Variants in EPHB1 observed in about 807,000 individuals in gnomAD.
EPHB1 encodes the protein ephrin type-B receptor 1.
In EPHB1, 30 loss-of-function variants were observed where a neutral mutation model predicts 94.4. The ratio of observed to expected loss-of-function variants is 0.32; its 90% CI spans 0.24 to 0.43. The LOEUF is 0.43. Ranked by LOEUF, EPHB1 falls within the 20% of genes least tolerant of loss-of-function variation. The pLI is 1.00. For missense variants in EPHB1, 1,055 were observed against 1,308.3 expected, an observed-to-expected ratio of 0.81 and a Z score of 2.99; for synonymous variants, 522 against 489.1, an observed-to-expected ratio of 1.07 and a Z score of -0.89.
rs956373748 is a variant in EPHB1 at position 135,223,488 on chromosome 3, C to T, written c.2347-17660C>T. 2.6e-5 allele frequency among the ~76,000 whole-genome samples: 4 copies of T among 152,158 alleles called. No homozygotes were observed. In the East Asian group the frequency reaches 7.7e-4, roughly 29 times the overall value. On this transcript the variant is annotated intron_variant, in intron 12 of 15. Coordinates refer to ENST00000398015, the MANE Select transcript of EPHB1 (RefSeq NM_004441.5). ...TTAATGTGGTCAACATTCCTGTCCC[C>T]AATCATACTTTTTCTAAGCTTAGAA...
intron 1 of EPHB1, among the ~76,000 whole-genome samples, chr3:134,920,268 A>T (rs967691743): frequency 6.6e-6 from 1 of 152,170 alleles, no homozygotes; most frequent in African/African-American, 2.4e-5. Flanking sequence ...TCTTGCAAGG[A>T]TCCTCTGCGG....
intron 1 of EPHB1, among the ~76,000 whole-genome samples, chr3:134,841,711 A>T (rs1353136413): frequency 6.6e-6 from 1 of 152,168 alleles, no homozygotes; most frequent in Non-Finnish European, 1.5e-5. Context: ...TCTCTGCATA[A>T]CCTTAAGGAA....
chr3:135,089,916 G>A (rs894983858), intron 3 of EPHB1, among the ~76,000 whole-genome samples: 10 of 152,206 alleles, frequency 6.6e-5, no homozygotes, highest in African/African-American at 2.4e-4. Flanking sequence ...AGTGTGCATT[G>A]AGATCTAAGT....
At chr3:134,923,437 G>T (rs2038728150) in intron 1 of EPHB1, among the ~76,000 whole-genome samples, 1 of 152,124 alleles carries the variant, frequency 6.6e-6, no homozygotes, top group African/African-American at 2.4e-5. Flanking sequence ...TCCCATGCAG[G>T]TCACCACTGG....
chr3:134,798,597 G>C (rs560934438), intron 1 of EPHB1, among the ~76,000 whole-genome samples: 1 of 152,304 alleles, frequency 6.6e-6, no homozygotes, highest in African/African-American at 2.4e-5. Flanking sequence ...GCAGGCTGTG[G>C]TGGCAAGAAT....
chr3:135,254,402 T>C (rs1933268485), intron 15 of EPHB1, among the ~76,000 whole-genome samples: 1 of 86,712 alleles, frequency 1.2e-5, no homozygotes, highest in Non-Finnish European at 2.4e-5. Flanking sequence ...ATACCTAATT[T>C]ATTGAGCGTT....
At chr3:135,239,494 G>A (rs568511787) in intron 12 of EPHB1, among the ~76,000 whole-genome samples, 1 of 152,262 alleles carries the variant, frequency 6.6e-6, no homozygotes, top group East Asian at 1.9e-4. Flanking sequence ...GCAGCCAGTG[G>A]CTTCATGTTC....
chr3:135,084,911 C>T (rs1422563110), intron 3 of EPHB1, among the ~76,000 whole-genome samples: 1 of 152,164 alleles, frequency 6.6e-6, no homozygotes, highest in East Asian at 1.9e-4. Context: ...CAATAAACAG[C>T]AAAGGTGAGG....
chr3:135,259,234 A>G lies in EPHB1; in HGVS notation c.*114A>G, dbSNP rs946350086. 2.6e-6 allele frequency: 2 copies of G among 777,018 alleles called. No homozygotes were observed. Among genetic ancestry groups the G allele is most frequent in the South Asian group, 1.9e-5 (1 of 53,148 alleles). 48.1% of individuals were successfully genotyped at this position (777,018 alleles called of 1,614,324 possible). The stretch of plus-strand genomic sequence containing the variant: ...GACTGGCTTCTCAGCTGAGGAATGC[A>G]TTTCCATCAGTGAAGAATCAACCGG... On this transcript the variant is annotated 3_prime_UTR_variant, in exon 16 of 16. Coordinates refer to ENST00000398015, the MANE Select transcript of EPHB1 (RefSeq NM_004441.5).
At chr3:135,233,906 C>T (rs1054183725) in intron 12 of EPHB1, among the ~76,000 whole-genome samples, 8 of 152,174 alleles carry the variant, frequency 5.3e-5, no homozygotes, top group Non-Finnish European at 1.2e-4. Flanking sequence ...GCTGGAGCAG[C>T]TGAGATACAG....
chr3:135,035,052 T>C (rs968870749), intron 3 of EPHB1, among the ~76,000 whole-genome samples: 12 of 152,236 alleles, frequency 7.9e-5, no homozygotes, highest in African/African-American at 2.4e-4. Flanking sequence ...TCCTTCCTAC[T>C]GCCAGCTCAT....
At chr3:135,050,217 G>A (rs993666231) in intron 3 of EPHB1, among the ~76,000 whole-genome samples, 1 of 152,168 alleles carries the variant, frequency 6.6e-6, no homozygotes, top group Admixed American at 6.5e-5. Context: ...GATTACACAT[G>A]ATTTTGCTTT....
At chr3:135,114,435 C>T (rs892660162) in intron 4 of EPHB1, among the ~76,000 whole-genome samples, 2 of 146,226 alleles carry the variant, frequency 1.4e-5, no homozygotes, top group African/African-American at 5.1e-5. Context: ...GGCACAGTGG[C>T]TCACACCTGT....
At chr3:134,804,069 C>CTTT (rs1560240142) in intron 1 of EPHB1, among the ~76,000 whole-genome samples, 1 of 51,810 alleles carries the variant, frequency 1.9e-5, no homozygotes, top group Non-Finnish European at 3.5e-5. Context: ...TCATTATTGG[C>CTTT]TATTTTTTTT....
chr3:134,934,886 G>A (rs1354245052), intron 2 of EPHB1, among the ~76,000 whole-genome samples: 1 of 152,188 alleles, frequency 6.6e-6, no homozygotes, highest in African/African-American at 2.4e-5. Context: ...CAGACTCTGG[G>A]AGGGAATTCC....
chr3:135,240,679 T>A (rs1354962302), intron 12 of EPHB1, among the ~76,000 whole-genome samples: 1 of 152,176 alleles, frequency 6.6e-6, no homozygotes, highest in Non-Finnish European at 1.5e-5. Flanking sequence ...GACCTTGTAG[T>A]GGCAGGGCTC....
chr3:134,806,581 C>T lies in EPHB1; in HGVS notation c.58+10892C>T, dbSNP rs910404399. On this transcript the variant is annotated intron_variant, in intron 1 of 15. Coordinates refer to ENST00000398015, the MANE Select transcript of EPHB1 (RefSeq NM_004441.5). ...AATCAATGTAGTAATTGTGGAAAAC[C>T]ACTGAGTTTGGGGTTGGAACAATTA... 1.4e-4 allele frequency among the ~76,000 whole-genome samples: 21 copies of T among 152,076 alleles called. 1 individual carries two copies.
rs1327938024 is a variant in EPHB1, at chr3:135,069,262, A to AAAAAC, written c.806-37175_806-37171dup. Among the ~76,000 whole-genome samples, 4 of 152,132 alleles carry AAAAAC rather than the reference A, an allele frequency of 2.6e-5. No individual in the cohort carries two copies. The East Asian group carries it at 7.8e-4, about 30-fold the overall frequency. ...GCTCTCTTAAGTAATCAATTCAATT[A>AAAAAC]AAAACAAAACAAAACCTCTGAGTTG... On this transcript the variant is annotated intron_variant, in intron 3 of 15. Coordinates refer to ENST00000398015, the MANE Select transcript of EPHB1 (RefSeq NM_004441.5).
At chr3:134,850,680 C>G (rs1578136028) in intron 1 of EPHB1, among the ~76,000 whole-genome samples, 1 of 152,158 alleles carries the variant, frequency 6.6e-6, no homozygotes, top group African/African-American at 2.4e-5. Flanking sequence ...CATGCCAGCC[C>G]CAGAAGGCTT....
Sources: gnomAD v4.1 joint callset for allele counts (sites outside exome capture counted in the v4.1 genomes callset) on GRCh38, gnomAD v4.1.1 for gene constraint, MANE v1.5 for transcripts, NCBI Gene and HGNC (gene_info 2026-07-23, HGNC 2026-07-21) for gene names.